Variants in MIA2 observed in about 807,000 individuals in gnomAD.
The protein encoded by MIA2 is melanoma inhibitory activity protein 2.
In MIA2, 127 loss-of-function variants were observed where a neutral mutation model predicts 167.8. The observed-to-expected ratio is 0.76, with a 90% CI of 0.66 to 0.88. MIA2 has a LOEUF of 0.88. Among genes scored for constraint, MIA2 ranks in the 40% least tolerant of loss-of-function variants. The pLI, the probability that MIA2 is intolerant of heterozygous loss-of-function variation, is 0.00. For synonymous variants in MIA2, 552 were observed against 541.9 expected (o/e 1.02, Z -0.26); for missense variants, 1,690 against 1,624.7 (o/e 1.04, Z -0.69).
intron 7 of MIA2, among the ~76,000 whole-genome samples, chr14:39,278,029 A>C (rs1039123948): frequency 7.9e-5 from 12 of 151,700 alleles, no homozygotes; most frequent in African/African-American, 2.9e-4. Context: ...GCTGGAGCGC[A>C]GTGGCATGAT....
At chr14:39,379,999 C>T (rs969543299) in intron 23 of MIA2, among the ~76,000 whole-genome samples, 6 of 152,140 alleles carry the variant, frequency 3.9e-5, no homozygotes, top group African/African-American at 1.2e-4. Flanking sequence ...TTTAGACAAC[C>T]CACAAGTCAA....
At chr14:39,253,257 C>T in intron 6 of MIA2, 86 bp downstream of exon 6, 2 of 1,516,576 alleles carry the variant, frequency 1.3e-6, no homozygotes, top group Non-Finnish European at 1.8e-6. Flanking sequence ...TGAATGAATC[C>T]TCCCTGTTTA....
At chr14:39,239,153 CA>C (rs2053930568) in intron 2 of MIA2, among the ~76,000 whole-genome samples, 1 of 152,120 alleles carries the variant, frequency 6.6e-6, no homozygotes. Flanking sequence ...CTTTTCCCAT[CA>C]GGGGCTATAG....
intron 6 of MIA2, among the ~76,000 whole-genome samples, chr14:39,269,939 G>A (rs1264210621): frequency 6.6e-6 from 1 of 152,170 alleles, no homozygotes; most frequent in Non-Finnish European, 1.5e-5. Context: ...ATGCTGCTTT[G>A]TGTATAAGTT....
intron 22 of MIA2, 66 bp from the exon 23 acceptor site, chr14:39,319,143 A>C: frequency 1.3e-6 from 1 of 791,732 alleles, no homozygotes; most frequent in Non-Finnish European, 2.0e-6. Flanking sequence ...TAGTTGGTAG[A>C]GGCATTTTTT....
chr14:39,282,062 T>C (rs574323662), intron 9 of MIA2, among the ~76,000 whole-genome samples: 8 of 152,342 alleles, frequency 5.3e-5, no homozygotes, highest in African/African-American at 1.7e-4. Context: ...TTTTCTCTTG[T>C]TTCTCAGTCA....
At chr14:39,340,129 C>A (rs1486109043) in intron 25 of MIA2, among the ~76,000 whole-genome samples, 3 of 152,226 alleles carry the variant, frequency 2.0e-5, no homozygotes, top group Non-Finnish European at 4.4e-5. Context: ...AGACGTGAGC[C>A]ACCACGCCCT....
chr14:39,375,319 A>G (rs994897031), intron 23 of MIA2, among the ~76,000 whole-genome samples: 3 of 152,300 alleles, frequency 2.0e-5, no homozygotes, highest in Middle Eastern at 3.4e-3. Flanking sequence ...TTCATTATTT[A>G]CCTTGGATAG....
chr14:39,327,394 G>T (rs1181728887), intron 25 of MIA2, among the ~76,000 whole-genome samples: 1 of 151,930 alleles, frequency 6.6e-6, no homozygotes, highest in Non-Finnish European at 1.5e-5. Context: ...ATTTTTTTGG[G>T]TATACATTTA....
chr14:39,367,736 T>A (rs1235179358), intron 23 of MIA2, among the ~76,000 whole-genome samples: 1 of 152,218 alleles, frequency 6.6e-6, no homozygotes, highest in Non-Finnish European at 1.5e-5. Context: ...CTATTTTGGT[T>A]CTTTGTGGAG....
chr14:39,341,883 G>A (rs1269381521), intron 25 of MIA2, among the ~76,000 whole-genome samples: 4 of 152,062 alleles, frequency 2.6e-5, no homozygotes, highest in East Asian at 1.9e-4. Flanking sequence ...GAATGTATTT[G>A]TGTCAGACTA....
In MIA2 at chr14:39,313,324, A is replaced by AT. The variant is rs534250893; in HGVS notation, c.3018-10dup. The AT allele has an allele frequency of 3.0e-4, 406 of 1,359,182 alleles. 7 individuals are homozygous for AT. The South Asian group carries it at 4.7e-3, about 16-fold the overall frequency. The allele number at this position is 1,359,182 out of a possible 1,614,324, so 84.2% of individuals were successfully genotyped here. A position where few individuals can be genotyped will look rare whatever the true frequency, so the allele number is the denominator to read the frequency against. On this transcript the variant is annotated splice_polypyrimidine_tract_variant and intron_variant, in intron 18 of 28. Coordinates refer to ENST00000640607, the MANE Select transcript of MIA2 (RefSeq NM_001329214.4). Reference sequence around the variant, plus strand: ...TGACATGTATTAAGAGAATTATAACATTTTTTGTTTTTAAGGAAATTAACA... The same window carrying AT: ...TGACATGTATTAAGAGAATTATAACATTTTTTTGTTTTTAAGGAAATTAACA...
rs1048329668 is a variant in MIA2, at chr14:39,267,575, G to C, written c.1888-9359G>C. ...TGGCCCAGGGGTCGCGGGAGCCGCC[G>C]GGGGAAGGAAGCAGTAGACCGGCTT... On this transcript the variant is annotated intron_variant, in intron 6 of 28. Coordinates refer to ENST00000640607, the MANE Select transcript of MIA2 (RefSeq NM_001329214.4). 3.7e-6 allele frequency: 6 copies of C among 1,600,090 alleles called. No homozygotes were observed. In the African/African-American group the frequency reaches 4.0e-5, roughly 11 times the overall value.
chr14:39,342,063 A>G (rs1159213918), intron 25 of MIA2, among the ~76,000 whole-genome samples: 1 of 152,206 alleles, frequency 6.6e-6, no homozygotes, highest in Non-Finnish European at 1.5e-5. Context: ...TCATGTGCAC[A>G]ACGTGCAGGT....
chr14:39,254,108 G>A (rs1372266218), intron 6 of MIA2, among the ~76,000 whole-genome samples: 2 of 152,194 alleles, frequency 1.3e-5, no homozygotes, highest in Non-Finnish European at 2.9e-5. Context: ...GGAGTGTTAG[G>A]TAGAGAGGGT....
intron 17 of MIA2, among the ~76,000 whole-genome samples, chr14:39,304,884 G>A (rs571313877): frequency 1.3e-5 from 2 of 152,150 alleles, no homozygotes; most frequent in Admixed American, 1.3e-4. Context: ...GATAGTGTTT[G>A]TATTTTCAAA....
intron 23 of MIA2, chr14:39,386,374 T>C: frequency 1.3e-6 from 2 of 1,547,772 alleles, no homozygotes; most frequent in African/African-American, 2.7e-5. Context: ...TGGGACTCTC[T>C]TTTGAGCAAA....
At chr14:39,241,815 G>T (rs992585892) in intron 3 of MIA2, among the ~76,000 whole-genome samples, 1 of 152,068 alleles carries the variant, frequency 6.6e-6, no homozygotes, top group Non-Finnish European at 1.5e-5. Context: ...CCCTGGCTTC[G>T]CATTCCCACA....
intron 3 of MIA2, among the ~76,000 whole-genome samples, chr14:39,245,876 T>C (rs903378632): frequency 6.6e-6 from 1 of 152,104 alleles, no homozygotes; most frequent in African/African-American, 2.4e-5. Context: ...TGGGATTAAG[T>C]TTCCAATATA....
Sources: gnomAD v4.1 joint callset for allele counts (sites outside exome capture counted in the v4.1 genomes callset) on GRCh38, gnomAD v4.1.1 for gene constraint, MANE v1.5 for transcripts, NCBI Gene and HGNC (gene_info 2026-07-23, HGNC 2026-07-21) for gene names.